Variants in ZNF544 observed in about 807,000 individuals in gnomAD.
The protein encoded by ZNF544 is zinc finger protein 544.
ZNF544 carries 10 observed loss-of-function variants against 13.5 expected under a neutral mutation model. The observed-to-expected ratio is 0.74, with a 90% confidence interval of 0.46 to 1.25. ZNF544 has a LOEUF of 1.25. Among genes scored for constraint, ZNF544 ranks in the 50% most tolerant of loss-of-function variants. The pLI, the probability that ZNF544 is intolerant of heterozygous loss-of-function variation, is 0.00. For synonymous variants in ZNF544, 323 were observed against 300.5 expected (o/e 1.07, Z -0.77); for missense variants, 896 against 845.6 (o/e 1.06, Z -0.74).
intron 6 of ZNF544, among the ~76,000 whole-genome samples, chr19:58,250,177 G>C (rs139901549): frequency 1.6e-4 from 25 of 152,340 alleles, no homozygotes; most frequent in African/African-American, 5.8e-4. Flanking sequence ...AAACATGTGG[G>C]TTAGCTTGTT....
At chr19:58,266,172 C>T (rs1171515853), downstream of ZNF544, among the ~76,000 whole-genome samples, 3 of 144,340 alleles carry the variant, frequency 2.1e-5, no homozygotes, top group African/African-American at 7.8e-5. Context: ...CGCCGTTGAA[C>T]TCCAGCCTGG....
At chr19:58,230,672 TTGTG>T (rs1300781891) in intron 3 of ZNF544, among the ~76,000 whole-genome samples, 1 of 151,956 alleles carries the variant, frequency 6.6e-6, no homozygotes, top group Non-Finnish European at 1.5e-5. Context: ...ACATTTGTGT[TTGTG>T]TGTGTGTTTG....
rs113648306 is a variant in ZNF544 at position 58,261,763 on chromosome 19, G to T, written c.1157G>T (p.Gly386Val). The change falls in exon 7 of 7, where the codon GGG becomes GTG. Residue 386 changes from glycine to valine, a missense_variant. Gly to Val is a moderately radical substitution (Grantham distance 109). Coordinates refer to ENST00000687789, the MANE Select transcript of ZNF544 (RefSeq NM_014480.4). ...GEKPFECTQC[G>V]KSFSQSYDLV... ...AAGCCCTTCGAATGTACTCAGTGTGGGAAATCTTTTAGCCAGAGCTATGAC... is the reference window on the plus strand; with the variant it reads ...AAGCCCTTCGAATGTACTCAGTGTGTGAAATCTTTTAGCCAGAGCTATGAC... 1,488 of 1,614,148 alleles carry T rather than the reference G, an allele frequency of 9.2e-4. 9 individuals carry two copies. In the African/African-American group the frequency reaches 0.014, roughly 15 times the overall value.
intron 6 of ZNF544, chr19:58,259,338 G>A (rs2048384067): frequency 6.6e-6 from 1 of 152,226 alleles, no homozygotes; most frequent in Admixed American, 6.5e-5. Flanking sequence ...TGTCTGAGAT[G>A]CAATTATGAG....
At chr19:58,255,944 A>C (rs1231959748) in intron 6 of ZNF544, among the ~76,000 whole-genome samples, 1 of 152,240 alleles carries the variant, frequency 6.6e-6, no homozygotes, top group African/African-American at 2.4e-5. Context: ...GGCAGCTGAA[A>C]GATTTTCTGA....
At chr19:58,268,037 C>T (rs2930099), downstream of ZNF544, among the ~76,000 whole-genome samples, 32,457 of 151,616 alleles carry the variant, frequency 0.21, 4,017 homozygotes, top group East Asian at 0.55. Flanking sequence ...TAGTGGCTCA[C>T]GCCTATAATC....
At chr19:58,241,180 T>TA (rs1491408473) in intron 3 of ZNF544, among the ~76,000 whole-genome samples, 22,713 of 66,430 alleles carry the variant, frequency 0.34, 3,484 homozygotes, top group Non-Finnish European at 0.38. Flanking sequence ...TATATATATA[T>TA]TTTTTTTTTT....
At chr19:58,245,580 G>A (rs1163008184) in intron 4 of ZNF544, among the ~76,000 whole-genome samples, 1 of 152,152 alleles carries the variant, frequency 6.6e-6, no homozygotes, top group Non-Finnish European at 1.5e-5. Context: ...GATTACAGGC[G>A]TGAGCCACCG....
At chr19:58,233,302 T>C (rs260443) in intron 3 of ZNF544, among the ~76,000 whole-genome samples, 90 of 152,128 alleles carry the variant, frequency 5.9e-4, no homozygotes, top group Non-Finnish European at 1.0e-3. Flanking sequence ...CACATCAGCC[T>C]CCAAAAGTGC....
chr19:58,263,306 C>CA lies in ZNF544; in HGVS notation c.*557dup, dbSNP rs1468341961. On this transcript the variant is annotated 3_prime_UTR_variant, in exon 7 of 7. Transcript: ENST00000687789. The stretch of plus-strand genomic sequence containing the variant: ...CAAAATCCTGTCTTTACAAAAAATA[C>CA]AAAAATTAGCCTAGCATGGTGGCGC... The CA allele has an allele frequency of 2.3e-6, 2 of 874,452 alleles. No homozygotes were observed. Among genetic ancestry groups the CA allele is most frequent in the Non-Finnish European group, 2.7e-6 (2 of 728,524 alleles). The allele number at this position is 874,452 out of a possible 1,614,324, so 54.2% of individuals were successfully genotyped here. A position where few individuals can be genotyped will look rare whatever the true frequency, so the allele number is the denominator to read the frequency against.
chr19:58,233,867 T>G (rs1482377500), intron 3 of ZNF544, among the ~76,000 whole-genome samples: 1 of 152,216 alleles, frequency 6.6e-6, no homozygotes, highest in Non-Finnish European at 1.5e-5. Context: ...GTGTCCAGCC[T>G]TAACATGTCT....
chr19:58,229,316 T>C (rs1260574452), intron 1 of ZNF544, 152 bp from the exon 2 acceptor site: 3 of 32,550 alleles, frequency 9.2e-5, no homozygotes, highest in Admixed American at 4.3e-4. Flanking sequence ...TGGGTGGGAC[T>C]GGGTGGGCCC....
intron 3 of ZNF544, among the ~76,000 whole-genome samples, chr19:58,233,346 T>A (rs549561058): frequency 6.6e-5 from 10 of 152,140 alleles, no homozygotes; most frequent in Non-Finnish European, 1.3e-4. Flanking sequence ...GATTAAGGCC[T>A]GGCCTTATCA....
intron 3 of ZNF544, among the ~76,000 whole-genome samples, chr19:58,238,676 CGTT>C (rs1186702518): frequency 6.6e-6 from 1 of 152,038 alleles, no homozygotes; most frequent in African/African-American, 2.4e-5. Flanking sequence ...AGGAGCCTCC[CGTT>C]GTTGTCACTT....
Position 58,262,850 on chromosome 19 carries a change from G to A in ZNF544, c.*96G>A. ...GTGGGAAGAGCTATCAGTGTGACGT[G>A]TATTAAGCCAGCGGTTGTGACTCAT... On this transcript the variant is annotated 3_prime_UTR_variant, in exon 7 of 7. Transcript: ENST00000687789. 6.7e-6 allele frequency: 10 copies of A among 1,502,972 alleles called. No homozygotes were observed. The highest frequency in any genetic ancestry group is 8.8e-6 in the Non-Finnish European group (10 of 1,130,514). 93.1% of individuals were successfully genotyped at this position (1,502,972 alleles called of 1,614,324 possible). A position where few individuals can be genotyped will look rare whatever the true frequency, so the allele number is the denominator to read the frequency against.
At chr19:58,265,485 C>T (rs1318815288), downstream of ZNF544, among the ~76,000 whole-genome samples, 2 of 152,086 alleles carry the variant, frequency 1.3e-5, no homozygotes, top group African/African-American at 4.8e-5. Context: ...TTAGTAGAGA[C>T]AAGGTTTCAC....
chr19:58,248,058 C>CA (rs1403926410), intron 6 of ZNF544, among the ~76,000 whole-genome samples: 2 of 151,874 alleles, frequency 1.3e-5, no homozygotes, highest in African/African-American at 4.8e-5. Flanking sequence ...GGACTACAGG[C>CA]ACGCACCACC....
chr19:58,260,802 C>A, intron 6 of ZNF544, 49 bp from the exon 7 acceptor site: 2 of 1,492,224 alleles, frequency 1.3e-6, no homozygotes, highest in Non-Finnish European at 8.9e-7. Context: ...CCCTCCCCCT[C>A]CCCCTCTGAT....
At chr19:58,232,346 C>CTTT (rs71190011) in intron 3 of ZNF544, among the ~76,000 whole-genome samples, 12 of 75,224 alleles carry the variant, frequency 1.6e-4, no homozygotes, top group East Asian at 4.2e-4. Context: ...ACAATTTTAT[C>CTTT]TTTTTTTTTT....
Sources: gnomAD v4.1 joint callset for allele counts (sites outside exome capture counted in the v4.1 genomes callset) on GRCh38, gnomAD v4.1.1 for gene constraint, MANE v1.5 for transcripts, NCBI Gene and HGNC (gene_info 2026-07-23, HGNC 2026-07-21) for gene names.